Variants in ACTN1 observed in about 807,000 individuals in gnomAD.
ACTN1 encodes actinin alpha 1.
A neutral mutation model predicts 119.6 loss-of-function variants in ACTN1; 30 were observed. That is an observed-to-expected ratio of 0.25 (90% CI 0.19 to 0.34). The LOEUF is 0.34. Ranked by LOEUF, ACTN1 falls within the 10% of genes least tolerant of loss-of-function variation. The pLI, the probability that ACTN1 is intolerant of heterozygous loss-of-function variation, is 1.00. For missense variants in ACTN1, 764 were observed against 1,223.4 expected (o/e 0.62, Z 5.60); for synonymous variants, 429 against 472.6 (o/e 0.91, Z 1.20).
chr14:68,975,040 C>T (rs142388472), intron 1 of ACTN1, among the ~76,000 whole-genome samples: 1 of 152,226 alleles, frequency 6.6e-6, no homozygotes, highest in African/African-American at 2.4e-5. Flanking sequence ...AAGTCCGACA[C>T]AGCCTGCAGA....
At position 68,904,686 on chromosome 14, in the gene ACTN1, G is replaced by C. The variant is rs1433438795; in HGVS notation, c.645C>G (p.Tyr215Ter). 6.2e-7 allele frequency: 1 copy of C among 1,613,964 alleles called. No individual in the cohort carries two copies. The highest frequency in any genetic ancestry group is 8.5e-7 in the Non-Finnish European group (1 of 1,179,966). The part of the protein sequence containing the change: ...LNTAFDVAEK[Y>*]LDIPKMLDAE... Reference sequence around the variant, plus strand: ...CATCCAGCATCTTGGGGATGTCCAGGTACTTCTCTGCCACGTCAAAAGCCG... The same window carrying C: ...CATCCAGCATCTTGGGGATGTCCAGCTACTTCTCTGCCACGTCAAAAGCCG... Residue 215 changes from tyrosine (Y) to a stop codon, truncating the protein, a stop_gained, in exon 7 of 22, where the codon TAC becomes TAG. Transcript: ENST00000394419. LOFTEE classifies it high-confidence loss of function.
At chr14:68,977,809 C>CA (rs1555361551) in intron 1 of ACTN1, 6 of 368,510 alleles carry the variant, frequency 1.6e-5, no homozygotes, top group Non-Finnish European at 3.3e-5. Context: ...GTCCCCCCCC[C>CA]ACCCAAAACC....
At chr14:68,961,209 A>C (rs1285518608) in intron 1 of ACTN1, among the ~76,000 whole-genome samples, 2 of 152,262 alleles carry the variant, frequency 1.3e-5, no homozygotes, top group Non-Finnish European at 2.9e-5. Flanking sequence ...CACTTTCTCC[A>C]GGCAAGGAAC....
intron 11 of ACTN1, chr14:68,887,192 C>T (rs181472): frequency 0.28 from 49,594 of 177,278 alleles, 7,529 homozygotes; most frequent in African/African-American, 0.36. Context: ...GGTCAGCTGT[C>T]ACATACGGCC....
intron 1 of ACTN1, among the ~76,000 whole-genome samples, chr14:68,964,356 C>T (rs924389397): frequency 1.3e-5 from 2 of 152,220 alleles, no homozygotes; most frequent in African/African-American, 2.4e-5. Flanking sequence ...CAACACAGCA[C>T]GGGGACTTCA....
intron 1 of ACTN1, among the ~76,000 whole-genome samples, chr14:68,934,519 C>T (rs914707916): frequency 6.6e-6 from 1 of 152,218 alleles, no homozygotes; most frequent in African/African-American, 2.4e-5. Context: ...TGTGGGCAGG[C>T]GATTGGTACA....
intron 4 of ACTN1, 49 bp from the exon 5 acceptor site, chr14:68,910,091 G>A (rs887437115): frequency 5.2e-6 from 8 of 1,525,874 alleles, no homozygotes; most frequent in Non-Finnish European, 7.2e-6. Flanking sequence ...ACTCGGTGGA[G>A]GGAGGGATGC....
chr14:68,970,183 G>A (rs2036836482), intron 1 of ACTN1, among the ~76,000 whole-genome samples: 1 of 152,006 alleles, frequency 6.6e-6, no homozygotes, highest in African/African-American at 2.4e-5. Flanking sequence ...ACAGAGAGGA[G>A]GCTCCCTTCC....
chr14:68,933,055 C>A (rs1463193312), intron 1 of ACTN1, among the ~76,000 whole-genome samples: 1 of 152,152 alleles, frequency 6.6e-6, no homozygotes. Flanking sequence ...ATTATTCTCC[C>A]CACTTTAGAG....
rs2031942700 is a variant in ACTN1 at position 68,885,675 on chromosome 14, G to T, written c.1235-100C>A. 2 of 1,388,640 alleles carry T rather than the reference G, an allele frequency of 1.4e-6. No individual in the cohort carries two copies. The highest frequency in any genetic ancestry group is 2.2e-5 in the Admixed American group (1 of 45,640). 86.0% of individuals were successfully genotyped at this position (1,388,640 alleles called of 1,614,324 possible). On this transcript the variant is annotated intron_variant, in intron 11 of 21. Transcript: ENST00000394419. The surrounding 1 kb of genome is among the most constrained non-coding windows in gnomAD (Gnocchi z 5.6). ...GGCCCCAGGAGCTCCACTTCTGGGG[G>T]TGCTTCTCAAGGAGGTGCCCATTGT...
chr14:68,953,660 T>C (rs923247398), intron 1 of ACTN1, among the ~76,000 whole-genome samples: 7 of 150,602 alleles, frequency 4.6e-5, no homozygotes, highest in Non-Finnish European at 8.9e-5. Context: ...AGGCAGATCA[T>C]GAGGTCAGGA....
chr14:68,978,912 TG>T, intron 1 of ACTN1, 39 bp downstream of exon 1: 3 of 1,390,606 alleles, frequency 2.2e-6, no homozygotes, highest in Non-Finnish European at 2.0e-6. Context: ...GGCTGGGGGC[TG>T]GGGGCTGGGG....
chr14:68,881,574 C>T (rs2031514556), intron 16 of ACTN1, among the ~76,000 whole-genome samples: 1 of 152,138 alleles, frequency 6.6e-6, no homozygotes, highest in Non-Finnish European at 1.5e-5. Context: ...GTAGATATTT[C>T]CTGCCTGTCT....
At chr14:68,892,864 C>T (rs1467708228) in intron 9 of ACTN1, among the ~76,000 whole-genome samples, 1 of 152,106 alleles carries the variant, frequency 6.6e-6, no homozygotes, top group Non-Finnish European at 1.5e-5. Context: ...AATAGGAATA[C>T]ACTGAACACC....
intron 21 of ACTN1, among the ~76,000 whole-genome samples, chr14:68,876,561 G>A (rs1046318654): frequency 2.2e-4 from 33 of 152,270 alleles, no homozygotes; most frequent in Admixed American, 1.5e-3. Context: ...GGCATCCATG[G>A]AGACAACCCC....
chr14:68,899,465 A>ACACCCCC (rs75600635), intron 8 of ACTN1, among the ~76,000 whole-genome samples: 2 of 135,892 alleles, frequency 1.5e-5, no homozygotes, highest in African/African-American at 2.9e-5. Flanking sequence ...ACCACACTCC[A>ACACCCCC]CATACACACA....
At chr14:68,897,067 C>G (rs1414104056) in intron 8 of ACTN1, among the ~76,000 whole-genome samples, 2 of 152,362 alleles carry the variant, frequency 1.3e-5, no homozygotes, top group East Asian at 3.9e-4. Context: ...ACTGCAACCT[C>G]TGCCTCCAAG....
At position 68,874,987 on chromosome 14, in the gene ACTN1, C is replaced by T. The variant is rs1245722350; in HGVS notation, c.2617G>A (p.Glu873Lys). The change falls in exon 22 of 22, where the codon GAG becomes AAG. Residue 873 changes from glutamate to lysine, a missense_variant. By Grantham distance (56) the Glu-to-Lys change is moderately conservative. This residue lies in a region of ACTN1 where 102 missense variants were observed against 78.2 expected (regional missense o/e 1.30). Transcript: ENST00000394419. ...NYITMDELRR[E>K]LPPDQAEYCI... Reference sequence around the variant, plus strand: ...TACTCAGCCTGGTCGGGTGGCAGCTCGCGGCGCAGCTCGTCCATGGTAATG... The same window carrying T: ...TACTCAGCCTGGTCGGGTGGCAGCTTGCGGCGCAGCTCGTCCATGGTAATG... The T allele has an allele frequency of 1.9e-6, 3 of 1,613,640 alleles. No individual in the cohort carries two copies. The highest frequency in any genetic ancestry group is 2.5e-6 in the Non-Finnish European group (3 of 1,180,004).
chr14:68,910,046 T>A lies in ACTN1; in HGVS notation c.428-4A>T, dbSNP rs760980196. The stretch of plus-strand genomic sequence containing the variant: ...AGCCCTTCCTTGGCTGAAGTCTCTA[T>A]GGGGAAGGGGATGGGCAGCGAGGTC... On this transcript the variant is annotated splice_polypyrimidine_tract_variant and splice_region_variant and intron_variant, in intron 4 of 21. Coordinates refer to ENST00000394419, the MANE Select transcript of ACTN1 (RefSeq NM_001130004.2). 56 of 1,612,908 alleles carry A rather than the reference T, an allele frequency of 3.5e-5. No homozygotes were observed. The highest frequency in any genetic ancestry group is 4.2e-5 in the Non-Finnish European group (50 of 1,179,488).
Sources: gnomAD v4.1 joint callset for allele counts (sites outside exome capture counted in the v4.1 genomes callset) on GRCh38, gnomAD v4.1.1 for gene constraint, gnomAD v4.1.1 regional missense constraint, Gnocchi (gnomAD v3.1) non-coding constraint, MANE v1.5 for transcripts, NCBI Gene and HGNC (gene_info 2026-07-23, HGNC 2026-07-21) for gene names.